RPN2: variants seen among roughly 807,000 people sequenced by gnomAD.
RPN2 encodes ribophorin II.
A neutral mutation model predicts 71.4 loss-of-function variants in RPN2; 29 were observed. That is an observed-to-expected ratio of 0.41 (90% CI 0.30 to 0.55). The LOEUF (loss-of-function observed/expected upper bound fraction) is 0.55. RPN2 is among the 20% of genes least tolerant of loss of function. The pLI, the probability that RPN2 is intolerant of heterozygous loss-of-function variation, is 0.35. For missense variants in RPN2, 726 were observed against 774.1 expected (o/e 0.94, Z 0.74); for synonymous variants, 308 against 305.0 (o/e 1.01, Z -0.10).
chr20:37,192,476 A>C (rs1484671626), intron 2 of RPN2, among the ~76,000 whole-genome samples: 1 of 152,216 alleles, frequency 6.6e-6, no homozygotes, highest in African/African-American at 2.4e-5. Context: ...CCTGTCTGCC[A>C]AGAAAGCCAC....
At chr20:37,198,951 A>G in intron 3 of RPN2, 99 bp from the exon 4 acceptor site, 1 of 949,810 alleles carries the variant, frequency 1.1e-6, no homozygotes. Flanking sequence ...TGCGAGGCGG[A>G]GGTGACTTTG....
At chr20:37,207,579 C>T (rs2067547163) in intron 7 of RPN2, 130 bp downstream of exon 7, 2 of 858,312 alleles carry the variant, frequency 2.3e-6, no homozygotes, top group South Asian at 2.8e-5. Context: ...GAGGGCAAGG[C>T]TCATTTCCCT....
At chr20:37,183,810 A>G (rs2066936280) in intron 1 of RPN2, among the ~76,000 whole-genome samples, 1 of 152,230 alleles carries the variant, frequency 6.6e-6, no homozygotes, top group Non-Finnish European at 1.5e-5. Context: ...TAGAGGACAG[A>G]GAAGAAGCCA....
intron 1 of RPN2, among the ~76,000 whole-genome samples, chr20:37,181,421 TTTTTC>T (rs1568955203): frequency 6.7e-6 from 1 of 148,500 alleles, no homozygotes; most frequent in Non-Finnish European, 1.5e-5. Flanking sequence ...TTGCATTTGG[TTTTTC>T]TTTTCTTTTT....
At chr20:37,201,005 A>G (rs2067375099) in intron 4 of RPN2, among the ~76,000 whole-genome samples, 1 of 152,100 alleles carries the variant, frequency 6.6e-6, no homozygotes, top group Non-Finnish European at 1.5e-5. Flanking sequence ...AACACCAGCT[A>G]TTTCATTCCT....
intron 3 of RPN2, among the ~76,000 whole-genome samples, chr20:37,198,823 T>C (rs751107846): frequency 1.5e-4 from 23 of 152,170 alleles, no homozygotes; most frequent in South Asian, 2.1e-4. Flanking sequence ...TTGTTGAACA[T>C]AGGAGAACCA....
At chr20:37,235,635 GTTTATTTTTTATT>G (rs2068363897) in intron 15 of RPN2, among the ~76,000 whole-genome samples, 2 of 152,040 alleles carry the variant, frequency 1.3e-5, no homozygotes, top group African/African-American at 2.4e-5. Flanking sequence ...TTTATATCCT[GTTTATTTTTTATT>G]TTTATTTTTT....
chr20:37,188,823 A>T (rs2067074365), intron 2 of RPN2, among the ~76,000 whole-genome samples: 1 of 149,598 alleles, frequency 6.7e-6, no homozygotes, highest in African/African-American at 2.5e-5. Flanking sequence ...CGGTGTTGCC[A>T]TGTTGCCCAG....
At chr20:37,202,120 A>C (rs1222765645) in intron 4 of RPN2, among the ~76,000 whole-genome samples, 1 of 152,162 alleles carries the variant, frequency 6.6e-6, no homozygotes, top group Non-Finnish European at 1.5e-5. Context: ...CCAGCACGGC[A>C]CTCTCTCATT....
chr20:37,236,494 C>A, intron 15 of RPN2, 86 bp from the exon 16 acceptor site: 2 of 1,422,880 alleles, frequency 1.4e-6, no homozygotes, highest in Non-Finnish European at 2.0e-6. Context: ...TTTTCATGAT[C>A]CAACAGTTGC....
chr20:37,219,237 A>G (rs1442399463), intron 9 of RPN2, among the ~76,000 whole-genome samples: 1 of 152,150 alleles, frequency 6.6e-6, no homozygotes, highest in Non-Finnish European at 1.5e-5. Context: ...GTGGTGTCTC[A>G]TTATGGTTTT....
chr20:37,182,467 T>C (rs1045930294), intron 1 of RPN2, among the ~76,000 whole-genome samples: 4 of 152,194 alleles, frequency 2.6e-5, no homozygotes, highest in Admixed American at 2.0e-4. Flanking sequence ...CTCAGCTCAC[T>C]GCAGTCTCAA....
At position 37,190,719 on chromosome 20, in the gene RPN2, C is replaced by T. The variant is rs2067120916; in HGVS notation, c.207+6346C>T. Reference sequence around the variant, plus strand: ...AATATTTGAACTGTAGACTTTAGCTCAATCAAAATGGGAGCTCTCTAAATG... The same window carrying T: ...AATATTTGAACTGTAGACTTTAGCTTAATCAAAATGGGAGCTCTCTAAATG... On this transcript the variant is annotated intron_variant, in intron 2 of 16. Coordinates refer to ENST00000237530, the MANE Select transcript of RPN2 (RefSeq NM_002951.5). Among the ~76,000 whole-genome samples the T allele has an allele frequency of 2.0e-5, 3 of 152,124 alleles. No individual in the cohort carries two copies. In the South Asian group the frequency reaches 6.2e-4, roughly 32 times the overall value.
rs747878354 is a variant in RPN2, at chr20:37,228,621, C to G, written c.1371C>G (p.Asn457Lys). The change falls in exon 12 of 17, where the codon AAC becomes AAG. Residue 457 changes from asparagine to lysine, a missense_variant. Transcript: ENST00000237530. ...TTGTTGCCGAGCCAGACAACAAGAA[C>G]GTGTACAAGTTTGAACTGGATACCT... ...VVFVAEPDNKNVYKFELDTSE... is the reference protein window; with the variant it reads ...VVFVAEPDNKKVYKFELDTSE... The G allele has an allele frequency of 1.2e-6, 2 of 1,614,192 alleles. No homozygotes were observed. The highest frequency in any genetic ancestry group is 2.2e-5 in the East Asian group (1 of 44,890).
intron 16 of RPN2, among the ~76,000 whole-genome samples, chr20:37,240,874 A>G (rs552361226): frequency 2.6e-5 from 4 of 152,222 alleles, no homozygotes; most frequent in Non-Finnish European, 4.4e-5. Context: ...GTTCTAAGCT[A>G]CAGAAGGGCC....
intron 2 of RPN2, among the ~76,000 whole-genome samples, chr20:37,196,734 A>G (rs1001379133): frequency 1.3e-5 from 2 of 152,144 alleles, no homozygotes; most frequent in African/African-American, 2.4e-5. Flanking sequence ...GCTGAATTTT[A>G]TATTACTTCA....
chr20:37,182,718 C>G (rs1378294878), intron 1 of RPN2, among the ~76,000 whole-genome samples: 1 of 152,086 alleles, frequency 6.6e-6, no homozygotes, highest in Non-Finnish European at 1.5e-5. Flanking sequence ...TTCAAGGATT[C>G]TAGTTCAAGC....
chr20:37,228,892 T>G lies in RPN2; in HGVS notation c.1494+148T>G, dbSNP rs1467308970. ...GGGAGGTGAGGCACTGTGTGCAGTCTCCATAAATAGTCCTGGGGTCATGCA... is the reference window on the plus strand; with the variant it reads ...GGGAGGTGAGGCACTGTGTGCAGTCGCCATAAATAGTCCTGGGGTCATGCA... On this transcript the variant is annotated intron_variant, in intron 12 of 16. Coordinates refer to ENST00000237530, the MANE Select transcript of RPN2 (RefSeq NM_002951.5). The G allele has an allele frequency of 5.5e-6, 4 of 732,258 alleles. No individual in the cohort carries two copies. The Admixed American group carries it at 8.5e-5, about 15-fold the overall frequency. The allele number at this position is 732,258 out of a possible 1,614,324, so 45.4% of individuals were successfully genotyped here.
chr20:37,234,938 C>A (rs973301593), intron 15 of RPN2, among the ~76,000 whole-genome samples: 13 of 152,072 alleles, frequency 8.5e-5, no homozygotes, highest in South Asian at 8.3e-4. Flanking sequence ...CTTTGGCCTC[C>A]CAGAGTGCTA....
Sources: gnomAD v4.1 joint callset for allele counts (sites outside exome capture counted in the v4.1 genomes callset) on GRCh38, gnomAD v4.1.1 for gene constraint, MANE v1.5 for transcripts, NCBI Gene and HGNC (gene_info 2026-07-23, HGNC 2026-07-21) for gene names.